Variants in TOGARAM1 observed in about 807,000 individuals in gnomAD.
The protein encoded by TOGARAM1 is TOG array regulator of axonemal microtubules protein 1.
Under a neutral mutation model 166.6 loss-of-function variants are expected in TOGARAM1, and 100 were observed. That is an observed-to-expected ratio of 0.60 (90% CI 0.51 to 0.71). The LOEUF (loss-of-function observed/expected upper bound fraction) is 0.71. TOGARAM1 is among the 30% of genes least tolerant of loss of function. The probability of loss-of-function intolerance (pLI) is 0.00; values close to 1 mark genes in which losing one functional copy is unlikely to be tolerated. For missense variants in TOGARAM1, 2,029 were observed against 2,102.7 expected (o/e 0.96, Z 0.69); for synonymous variants, 758 against 763.8 (o/e 0.99, Z 0.13).
At chr14:45,043,519 C>T (rs1881831009) in intron 11 of TOGARAM1, among the ~76,000 whole-genome samples, 167 bp from the exon 12 acceptor site, 1 of 152,136 alleles carries the variant, frequency 6.6e-6, no homozygotes, top group South Asian at 2.1e-4. Context: ...TTTCCCTCAA[C>T]CTCATGAACC....
chr14:45,018,573 T>G (rs1328454486), intron 7 of TOGARAM1, among the ~76,000 whole-genome samples: 1 of 152,200 alleles, frequency 6.6e-6, no homozygotes, highest in Admixed American at 6.5e-5. Flanking sequence ...AAATTATGTA[T>G]GAGCACACAA....
chr14:45,011,148 A>G (rs537895539), intron 6 of TOGARAM1, among the ~76,000 whole-genome samples: 2 of 152,290 alleles, frequency 1.3e-5, no homozygotes, highest in East Asian at 3.9e-4. Context: ...AGGTATTTAT[A>G]ATGTCAGGAA....
chr14:45,045,629 A>G (rs1188247602), intron 13 of TOGARAM1, among the ~76,000 whole-genome samples: 2 of 117,796 alleles, frequency 1.7e-5, no homozygotes, highest in African/African-American at 3.2e-5. Flanking sequence ...ATATATATGT[A>G]TATATATACA....
intron 4 of TOGARAM1, 24 bp from the exon 5 acceptor site, chr14:45,005,984 G>T: frequency 6.6e-7 from 1 of 1,523,670 alleles, no homozygotes; most frequent in East Asian, 2.3e-5. Flanking sequence ...AAAAGAAAAA[G>T]TAAAATATCT....
chr14:45,063,188 G>A (rs572064475), intron 16 of TOGARAM1, among the ~76,000 whole-genome samples: 1 of 151,922 alleles, frequency 6.6e-6, no homozygotes, highest in Non-Finnish European at 1.5e-5. Context: ...CTTTTTATGG[G>A]CAAATACTAT....
At chr14:45,063,840 G>T (rs1883018090) in intron 16 of TOGARAM1, among the ~76,000 whole-genome samples, 1 of 152,010 alleles carries the variant, frequency 6.6e-6, no homozygotes. Context: ...TTTCAATTCG[G>T]CCTTGACCTT....
In TOGARAM1 at chr14:44,962,209, G is replaced by T. The variant is rs192273725; in HGVS notation, c.-213G>T. 2.0e-6 allele frequency: 1 copy of T among 510,814 alleles called. No homozygotes were observed. The highest frequency in any genetic ancestry group is 3.4e-6 in the Non-Finnish European group (1 of 295,004). The allele number at this position is 510,814 out of a possible 1,614,324, so 31.6% of individuals were successfully genotyped here. ...TTGGTCACGTGGTGCCCTTGGTTAC[G>T]CCCGGTGGCAGCTGTGGGGTCTAGG... On this transcript the variant is annotated 5_prime_UTR_variant, in exon 1 of 20. Coordinates refer to ENST00000361462, the MANE Select transcript of TOGARAM1 (RefSeq NM_001308120.2).
chr14:45,000,834 A>T (rs1013291247), intron 3 of TOGARAM1, among the ~76,000 whole-genome samples: 1 of 152,136 alleles, frequency 6.6e-6, no homozygotes, highest in South Asian at 2.1e-4. Context: ...CCCGGGCTCA[A>T]GTGATCCTCC....
intron 13 of TOGARAM1, among the ~76,000 whole-genome samples, chr14:45,045,091 A>T (rs1881923132): frequency 1.3e-5 from 2 of 152,154 alleles, no homozygotes; most frequent in South Asian, 4.1e-4. Context: ...TCCCTCGGGC[A>T]CCTTGCAAAA....
chr14:45,028,044 T>C, intron 9 of TOGARAM1, 132 bp from the exon 10 acceptor site: 1 of 613,296 alleles, frequency 1.6e-6, no homozygotes, highest in Non-Finnish European at 2.8e-6. Flanking sequence ...TGTATGGGTA[T>C]ATTCTGTTTT....
At chr14:45,001,682 A>G (rs1887696533) in intron 3 of TOGARAM1, among the ~76,000 whole-genome samples, 1 of 152,238 alleles carries the variant, frequency 6.6e-6, no homozygotes, top group Non-Finnish European at 1.5e-5. Context: ...AAAGATGAGC[A>G]TTTTAATACC....
intron 16 of TOGARAM1, among the ~76,000 whole-genome samples, chr14:45,055,218 T>C (rs951546632): frequency 2.0e-5 from 3 of 152,206 alleles, no homozygotes; most frequent in Admixed American, 1.3e-4. Context: ...TTAATCCATT[T>C]AGTTGATTTT....
intron 11 of TOGARAM1, among the ~76,000 whole-genome samples, chr14:45,039,297 A>G (rs1881600066): frequency 6.6e-6 from 1 of 152,038 alleles, no homozygotes; most frequent in African/African-American, 2.4e-5. Flanking sequence ...GTGCATATTG[A>G]TTGGTCCGTG....
intron 16 of TOGARAM1, among the ~76,000 whole-genome samples, chr14:45,059,020 G>GTC (rs1393199260): frequency 6.6e-6 from 1 of 152,114 alleles, no homozygotes; most frequent in African/African-American, 2.4e-5. Context: ...TGATGACAAA[G>GTC]TCTATTAACA....
chr14:45,032,448 T>C, intron 11 of TOGARAM1, 72 bp downstream of exon 11: 1 of 1,338,728 alleles, frequency 7.5e-7, no homozygotes, highest in Non-Finnish European at 1.0e-6. Flanking sequence ...ATTAAAAATC[T>C]TGAAACACAT....
chr14:45,060,653 A>C (rs1336115131), intron 16 of TOGARAM1, among the ~76,000 whole-genome samples: 2 of 152,250 alleles, frequency 1.3e-5, no homozygotes, highest in African/African-American at 4.8e-5. Flanking sequence ...CCATTAAAAA[A>C]TGCTTTCTTA....
At chr14:44,994,449 C>T (rs1887317767) in intron 1 of TOGARAM1, among the ~76,000 whole-genome samples, 1 of 152,096 alleles carries the variant, frequency 6.6e-6, no homozygotes, top group South Asian at 2.1e-4. Flanking sequence ...GACAGGGTCT[C>T]AGTCAGTCAC....
chr14:45,069,400 T>A (rs1883281010), intron 18 of TOGARAM1, among the ~76,000 whole-genome samples: 1 of 150,584 alleles, frequency 6.6e-6, no homozygotes, highest in Non-Finnish European at 1.5e-5. Context: ...AAAAAATAGA[T>A]AAAGGGACAA....
intron 3 of TOGARAM1, among the ~76,000 whole-genome samples, chr14:45,002,052 A>T (rs1012233716): frequency 6.6e-6 from 1 of 152,188 alleles, no homozygotes; most frequent in Non-Finnish European, 1.5e-5. Flanking sequence ...TTATTTATTT[A>T]TGAAAAAATA....
Sources: gnomAD v4.1 joint callset for allele counts (sites outside exome capture counted in the v4.1 genomes callset) on GRCh38, gnomAD v4.1.1 for gene constraint, MANE v1.5 for transcripts, NCBI Gene and HGNC (gene_info 2026-07-23, HGNC 2026-07-21) for gene names.